Variants in LOC128092252 observed in about 807,000 individuals in gnomAD.
At chr15:50,663,222 G>A in the LOC128092252 span, among the ~76,000 whole-genome samples, 13 of 151,598 alleles carry the variant, frequency 8.6e-5, no homozygotes, top group African/African-American at 1.5e-4. Flanking sequence ...TCCGCCTCCC[G>A]GGTTCAAGTG....
chr15:50,681,133 C>T, the LOC128092252 span, among the ~76,000 whole-genome samples: 2 of 152,088 alleles, frequency 1.3e-5, no homozygotes, highest in African/African-American at 4.8e-5. Flanking sequence ...TGCCTGTAAT[C>T]CCAGCTACTC....
the LOC128092252 span, among the ~76,000 whole-genome samples, chr15:50,684,590 G>A: frequency 6.6e-6 from 1 of 151,854 alleles, no homozygotes; most frequent in Non-Finnish European, 1.5e-5. Context: ...GCAGTCAGCC[G>A]AGATCGCTAC....
chr15:50,664,025 T>C, the LOC128092252 span, among the ~76,000 whole-genome samples: 1 of 151,832 alleles, frequency 6.6e-6, no homozygotes. Context: ...TTTGGCCGCG[T>C]GCGGTGGCTC....
chr15:50,655,451 A>AC, the LOC128092252 span, among the ~76,000 whole-genome samples: 2 of 144,378 alleles, frequency 1.4e-5, no homozygotes, highest in Non-Finnish European at 3.1e-5. Flanking sequence ...AAAAAAACAA[A>AC]AAAACAAAAA....
chr15:50,657,857 GA>G, the LOC128092252 span: 3 of 1,557,570 alleles, frequency 1.9e-6, no homozygotes, highest in Non-Finnish European at 2.6e-6. Context: ...TATTTCAGGT[GA>G]AAAACTTTCT....
chr15:50,679,528 ATATATATATATTT>A, the LOC128092252 span, among the ~76,000 whole-genome samples: 2 of 47,380 alleles, frequency 4.2e-5, no homozygotes, highest in Non-Finnish European at 7.7e-5. Context: ...ATATATATAT[ATATATATATATTT>A]TTTTTTTTTT....
At chr15:50,673,634 G>A in the LOC128092252 span, among the ~76,000 whole-genome samples, 26 of 150,430 alleles carry the variant, frequency 1.7e-4, no homozygotes, top group African/African-American at 5.6e-4. Context: ...GTATTCCCTC[G>A]TATATATATA....
the LOC128092252 span, chr15:50,648,839 T>C: frequency 6.2e-7 from 1 of 1,612,626 alleles, no homozygotes; most frequent in Non-Finnish European, 8.5e-7. Flanking sequence ...ATGGCAAGAC[T>C]TGCAGTAAAA....
the LOC128092252 span, among the ~76,000 whole-genome samples, chr15:50,649,044 A>C: frequency 6.6e-6 from 1 of 152,178 alleles, no homozygotes; most frequent in Non-Finnish European, 1.5e-5. Context: ...TCTATATATT[A>C]ATACCTTCAT....
At chr15:50,657,747 C>A in the LOC128092252 span, 1 of 1,592,564 alleles carries the variant, frequency 6.3e-7, no homozygotes, top group South Asian at 1.1e-5. Context: ...ATTTATTTTC[C>A]GAAATTTGTG....
At chr15:50,663,215 G>A in the LOC128092252 span, among the ~76,000 whole-genome samples, 1 of 151,162 alleles carries the variant, frequency 6.6e-6, no homozygotes, top group African/African-American at 2.4e-5. Flanking sequence ...CACAACCTCC[G>A]CCTCCCGGGT....
At chr15:50,685,057 A>G in the LOC128092252 span, among the ~76,000 whole-genome samples, 150 of 152,372 alleles carry the variant, frequency 9.8e-4, no homozygotes, top group Non-Finnish European at 2.0e-3. Flanking sequence ...TTGCTTTAAA[A>G]TTATCCCATT....
chr15:50,682,600 G>C, the LOC128092252 span, among the ~76,000 whole-genome samples: 2 of 151,234 alleles, frequency 1.3e-5, no homozygotes. Context: ...AAATTCCAGA[G>C]CAATTTCCTA....
At chr15:50,664,926 C>G in the LOC128092252 span, among the ~76,000 whole-genome samples, 1 of 152,282 alleles carries the variant, frequency 6.6e-6, no homozygotes, top group African/African-American at 2.4e-5. Flanking sequence ...GATCACACCA[C>G]TGCAATCCAG....
At chr15:50,686,477 T>C in the LOC128092252 span, 1 of 1,613,980 alleles carries the variant, frequency 6.2e-7, no homozygotes, top group African/African-American at 1.3e-5. Flanking sequence ...GTCTCTCCTT[T>C]ACCGCCCGCA....
the LOC128092252 span, among the ~76,000 whole-genome samples, chr15:50,666,577 G>A: frequency 7.2e-5 from 11 of 152,160 alleles, no homozygotes; most frequent in African/African-American, 2.7e-4. Context: ...GCTGAGGCGG[G>A]CAGATCACCT....
chr15:50,655,292 G>A, the LOC128092252 span, among the ~76,000 whole-genome samples: 1 of 151,672 alleles, frequency 6.6e-6, no homozygotes, highest in Admixed American at 6.6e-5. Flanking sequence ...AATGAGCCAG[G>A]CATGGTGGCA....
At chr15:50,684,149 T>G in the LOC128092252 span, among the ~76,000 whole-genome samples, 1 of 150,910 alleles carries the variant, frequency 6.6e-6, no homozygotes, top group Non-Finnish European at 1.5e-5. Context: ...CCCCACCTGA[T>G]TAAGTCGTTT....
At chr15:50,686,429 C>A in the LOC128092252 span, 1 of 1,594,900 alleles carries the variant, frequency 6.3e-7, no homozygotes, top group Non-Finnish European at 8.6e-7. Flanking sequence ...GGGTCCTTCG[C>A]CGCATGGAAC....
Sources: allele counts gnomAD v4.1 joint callset (sites outside exome capture counted in the v4.1 genomes callset), GRCh38; gene constraint gnomAD v4.1.1; transcripts MANE v1.5.